Variants in SNX9 observed in about 807,000 individuals in gnomAD.
SNX9 encodes sorting nexin-9.
In SNX9, 44 loss-of-function variants were observed where a neutral mutation model predicts 89.4. That is an observed-to-expected ratio of 0.49 (90% CI 0.39 to 0.63). The LOEUF is 0.63. Ranked by LOEUF, SNX9 falls within the 30% of genes least tolerant of loss-of-function variation. SNX9 has a pLI of 0.00. For synonymous variants in SNX9, 236 were observed against 247.8 expected, an observed-to-expected ratio of 0.95 and a Z score of 0.45; for missense variants, 578 against 736.1, an observed-to-expected ratio of 0.79 and a Z score of 2.49.
At chr6:157,916,767 A>G (rs1250383255) in intron 9 of SNX9, among the ~76,000 whole-genome samples, 1 of 152,234 alleles carries the variant, frequency 6.6e-6, no homozygotes, top group African/African-American at 2.4e-5. Flanking sequence ...CATGCCTGGA[A>G]TAAACCTCAC....
At chr6:157,843,898 G>A (rs1583195289) in intron 1 of SNX9, among the ~76,000 whole-genome samples, 1 of 115,476 alleles carries the variant, frequency 8.7e-6, no homozygotes, top group East Asian at 2.7e-4. Flanking sequence ...TTTTTGAGAT[G>A]GAGTCTCACT....
chr6:157,933,403 T>A (rs57422766), intron 13 of SNX9, among the ~76,000 whole-genome samples: 3 of 152,350 alleles, frequency 2.0e-5, no homozygotes, highest in African/African-American at 7.2e-5. Context: ...ATCCTGATAC[T>A]CAAGGCAGAC....
In SNX9 at chr6:157,910,532, A is replaced by G. The variant is rs866085968; in HGVS notation, c.949+507A>G. Among the ~76,000 whole-genome samples, 4 of 152,226 alleles carry G rather than the reference A, an allele frequency of 2.6e-5. No individual in the cohort carries two copies. The Middle Eastern group carries it at 0.01, about 391-fold the overall frequency. On this transcript the variant is annotated intron_variant, in intron 9 of 17. Transcript: ENST00000392185. ...GCTGCCAGGTTTTCTACTTATTTTG[A>G]TTATTACCCTCTCCCTTTTCTTGTT...
In SNX9 at chr6:157,868,356, T is replaced by G. The variant is rs1782310776; in HGVS notation, c.99+723T>G. On this transcript the variant is annotated intron_variant, in intron 2 of 17. Transcript: ENST00000392185. ...ATATGTATACATATGTACACATAGA[T>G]ACACTCATCTTCAGATGTGTGTCTC... Among the ~76,000 whole-genome samples, 3 of 152,244 alleles carry G rather than the reference T, an allele frequency of 2.0e-5. No individual in the cohort carries two copies. In the South Asian group the frequency reaches 6.2e-4, roughly 32 times the overall value.
intron 4 of SNX9, 68 bp downstream of exon 4, chr6:157,875,244 TGTGATGCATTATA>T: frequency 6.5e-7 from 1 of 1,544,562 alleles, no homozygotes. Context: ...TGTGAAGGCT[TGTGATGCATTATA>T]GCTATTGCCA....
At chr6:157,922,779 CT>C (rs1783608807) in intron 10 of SNX9, among the ~76,000 whole-genome samples, 1 of 152,196 alleles carries the variant, frequency 6.6e-6, no homozygotes, top group South Asian at 2.1e-4. Flanking sequence ...CTCACCATGT[CT>C]TATGAATTTG....
intron 5 of SNX9, 132 bp downstream of exon 5, chr6:157,897,130 G>A: frequency 1.1e-6 from 1 of 876,130 alleles, no homozygotes; most frequent in Non-Finnish European, 1.7e-6. Context: ...AGCATGGGAA[G>A]GGAGGATTGC....
chr6:157,918,603 A>G (rs1348017407), intron 9 of SNX9, among the ~76,000 whole-genome samples: 2 of 152,106 alleles, frequency 1.3e-5, no homozygotes, highest in African/African-American at 2.4e-5. Context: ...ATTTAATATA[A>G]TTATTGACAT....
intron 6 of SNX9, among the ~76,000 whole-genome samples, chr6:157,905,190 GA>G (rs1783185229): frequency 6.6e-6 from 1 of 152,126 alleles, no homozygotes; most frequent in Non-Finnish European, 1.5e-5. Context: ...GGAATGTCTA[GA>G]GAAAGGAGAC....
chr6:157,909,818 AT>A (rs1783301128), intron 8 of SNX9, 28 bp downstream of exon 8: 2 of 1,613,312 alleles, frequency 1.2e-6, no homozygotes, highest in East Asian at 4.5e-5. Context: ...CAAAAGCAGA[AT>A]CATGTTTGGA....
intron 1 of SNX9, among the ~76,000 whole-genome samples, chr6:157,861,359 C>T (rs767681465): frequency 5.3e-5 from 8 of 152,166 alleles, no homozygotes; most frequent in Non-Finnish European, 1.0e-4. Flanking sequence ...CTTGGAGCTT[C>T]TTATCTGGTG....
intron 1 of SNX9, among the ~76,000 whole-genome samples, chr6:157,826,324 C>G (rs906789822): frequency 6.6e-6 from 1 of 151,768 alleles, no homozygotes; most frequent in African/African-American, 2.4e-5. Context: ...CGGTGAAACT[C>G]CATCTATACT....
At chr6:157,894,253 G>A (rs1345270780) in intron 4 of SNX9, among the ~76,000 whole-genome samples, 4 of 149,070 alleles carry the variant, frequency 2.7e-5, no homozygotes, top group Non-Finnish European at 4.5e-5. Flanking sequence ...GGGATTACAG[G>A]CGCCCACCAC....
At chr6:157,916,822 CTAA>C (rs762465897) in intron 9 of SNX9, among the ~76,000 whole-genome samples, 24 of 152,188 alleles carry the variant, frequency 1.6e-4, no homozygotes, top group Non-Finnish European at 2.9e-4. Context: ...ATTAAATTTG[CTAA>C]TAATATCTGG....
chr6:157,827,570 A>AAC (rs1218429469), intron 1 of SNX9, among the ~76,000 whole-genome samples: 21 of 129,352 alleles, frequency 1.6e-4, no homozygotes, highest in South Asian at 4.6e-4. Flanking sequence ...ATAATATATA[A>AAC]ATATATATTA....
chr6:157,844,110 A>T (rs1254222212), intron 1 of SNX9, among the ~76,000 whole-genome samples: 2 of 151,974 alleles, frequency 1.3e-5, no homozygotes, highest in Non-Finnish European at 2.9e-5. Context: ...CCTGGCCCCA[A>T]GCTGTCTGCC....
At position 157,823,942 on chromosome 6, in the gene SNX9, C is replaced by T. The variant is rs1253229746; in HGVS notation, c.12+496C>T. Among the ~76,000 whole-genome samples the T allele has an allele frequency of 6.6e-6, 1 of 151,968 alleles. No individual in the cohort carries two copies. Among genetic ancestry groups the T allele is most frequent in the Non-Finnish European group, 1.5e-5 (1 of 67,956 alleles). The stretch of plus-strand genomic sequence containing the variant: ...AGGACGCGGCGCTTCCCGTCCCGGC[C>T]TGCGGGGGCTCGCGGCCGGGGAGGG... On this transcript the variant is annotated intron_variant, in intron 1 of 17. Transcript: ENST00000392185. This position sits in a 1 kb window ranked among gnomAD's most constrained non-coding sequence, Gnocchi z 4.6.
At chr6:157,831,603 G>A (rs991837453) in intron 1 of SNX9, among the ~76,000 whole-genome samples, 1 of 152,170 alleles carries the variant, frequency 6.6e-6, no homozygotes. Context: ...CCAGAGCACA[G>A]AGCCAGGCTC....
At chr6:157,909,497 C>G (rs183856857) in intron 7 of SNX9, among the ~76,000 whole-genome samples, 168 bp from the exon 8 acceptor site, 22 of 152,236 alleles carry the variant, frequency 1.4e-4, no homozygotes, top group African/African-American at 4.6e-4. Flanking sequence ...AACATAATAT[C>G]TAACAGGAAC....
Sources: allele counts gnomAD v4.1 joint callset (sites outside exome capture counted in the v4.1 genomes callset), GRCh38; gene constraint gnomAD v4.1.1; non-coding constraint Gnocchi (gnomAD v3.1); transcripts MANE v1.5; gene names NCBI Gene and HGNC (gene_info 2026-07-23, HGNC 2026-07-21).